The following CRPPA variants were observed in gnomAD, a reference collection of about 807,000 sequenced individuals.
CRPPA encodes D-ribitol-5-phosphate cytidylyltransferase.
A neutral mutation model predicts 52.0 loss-of-function variants in CRPPA; 43 were observed. The ratio of observed to expected loss-of-function variants is 0.83; its 90% CI spans 0.65 to 1.07. The LOEUF (loss-of-function observed/expected upper bound fraction) is 1.07. Ranked by LOEUF, CRPPA falls within the 50% of genes least tolerant of loss-of-function variation. The pLI, the probability that CRPPA is intolerant of heterozygous loss-of-function variation, is 0.00. For synonymous variants in CRPPA, 250 were observed against 203.5 expected (o/e 1.23, Z -1.94); for missense variants, 629 against 551.7 (o/e 1.14, Z -1.40).
intron 2 of CRPPA, among the ~76,000 whole-genome samples, chr7:16,376,581 A>T (rs926268052): frequency 5.9e-5 from 9 of 152,186 alleles, no homozygotes; most frequent in Non-Finnish European, 1.3e-4. Context: ...GACTATCATG[A>T]AATAATTGAT....
intron 8 of CRPPA, among the ~76,000 whole-genome samples, chr7:16,226,296 G>T (rs1782650547): frequency 6.6e-6 from 1 of 151,862 alleles, no homozygotes; most frequent in Admixed American, 6.6e-5. Context: ...AATGTAAAAA[G>T]AATGACCATA....
At chr7:16,137,951 G>A (rs1370920571) in intron 9 of CRPPA, among the ~76,000 whole-genome samples, 1 of 151,966 alleles carries the variant, frequency 6.6e-6, no homozygotes, top group Non-Finnish European at 1.5e-5. Flanking sequence ...AACTAGTAAT[G>A]CTTCATTAAA....
At chr7:16,396,045 G>A (rs893064985) in intron 2 of CRPPA, among the ~76,000 whole-genome samples, 10 of 152,072 alleles carry the variant, frequency 6.6e-5, no homozygotes, top group African/African-American at 9.7e-5. Context: ...GTTTCCTTAC[G>A]AACCAGAACT....
intron 9 of CRPPA, among the ~76,000 whole-genome samples, chr7:16,134,010 T>C (rs1427362973): frequency 1.6e-5 from 2 of 123,978 alleles, no homozygotes; most frequent in Non-Finnish European, 3.7e-5. Flanking sequence ...CGGCTCACTG[T>C]AAGCTCCGCT....
rs78868472 is a variant in CRPPA, at chr7:16,146,066, A to T, written c.1252-54267T>A. On this transcript the variant is annotated intron_variant, in intron 9 of 9. Transcript: ENST00000407010. ...AAGACAATGAGAGAATTTTGAAAGC[A>T]GCAAGAGAAAAGTGAGTAGTTAAAT... Among the ~76,000 whole-genome samples the T allele has an allele frequency of 2.8e-3, 429 of 152,330 alleles. 2 individuals are homozygous for T. Among genetic ancestry groups the T allele is most frequent in the African/African-American group, 9.2e-3 (384 of 41,588 alleles).
intron 2 of CRPPA, among the ~76,000 whole-genome samples, chr7:16,386,260 C>A (rs887503193): frequency 6.6e-6 from 1 of 152,180 alleles, no homozygotes; most frequent in South Asian, 2.1e-4. Flanking sequence ...CGTTCAGATG[C>A]TCTTTTTCTT....
At chr7:16,144,816 T>G (rs111293976) in intron 9 of CRPPA, among the ~76,000 whole-genome samples, 107 of 152,298 alleles carry the variant, frequency 7.0e-4, no homozygotes, top group African/African-American at 2.6e-3. Context: ...CCGTCAACAG[T>G]GCAGAGCTAA....
intron 9 of CRPPA, among the ~76,000 whole-genome samples, chr7:16,167,579 G>C (rs1287351744): frequency 6.6e-6 from 1 of 152,106 alleles, no homozygotes; most frequent in Non-Finnish European, 1.5e-5. Context: ...GTGTAGTACA[G>C]TATAAAAGAA....
chr7:16,318,260 T>C (rs1785189393), intron 3 of CRPPA, among the ~76,000 whole-genome samples: 1 of 152,176 alleles, frequency 6.6e-6, no homozygotes, highest in East Asian at 1.9e-4. Flanking sequence ...TGTCCATCCA[T>C]TAGATCTTCT....
chr7:16,148,022 A>G (rs1562526414), intron 9 of CRPPA, among the ~76,000 whole-genome samples: 1 of 152,186 alleles, frequency 6.6e-6, no homozygotes, highest in Non-Finnish European at 1.5e-5. Context: ...TATAATAATC[A>G]GTCTCTTCCA....
intron 6 of CRPPA, among the ~76,000 whole-genome samples, chr7:16,267,523 T>C (rs1379588868): frequency 6.6e-6 from 1 of 152,198 alleles, no homozygotes; most frequent in Admixed American, 6.5e-5. Flanking sequence ...TGAGTAGATA[T>C]TTACTGAGGA....
At chr7:16,133,239 C>T (rs901424480) in intron 9 of CRPPA, among the ~76,000 whole-genome samples, 3 of 122,196 alleles carry the variant, frequency 2.5e-5, no homozygotes, top group Non-Finnish European at 5.6e-5. Flanking sequence ...ATTGCTTGAA[C>T]CCAGGAGGTG....
At chr7:16,321,918 C>T (rs755050893) in intron 3 of CRPPA, among the ~76,000 whole-genome samples, 1 of 152,026 alleles carries the variant, frequency 6.6e-6, no homozygotes, top group Non-Finnish European at 1.5e-5. Context: ...AAAAACCATA[C>T]AAGCAAATGA....
intron 6 of CRPPA, among the ~76,000 whole-genome samples, chr7:16,266,806 T>C (rs553149837): frequency 1.6e-4 from 24 of 152,300 alleles, no homozygotes; most frequent in South Asian, 6.2e-4. Context: ...CAAAGTTGGA[T>C]AGTATCAACA....
Position 16,090,395 on chromosome 7 carries a change from T to A in CRPPA, c.*1300A>T, listed in dbSNP as rs1005985436. ...TTTCCACGTGCAGCCTAAGCCCTAATCTGTTTCAATAAAATAAATGTATGT... is the reference window on the plus strand; with the variant it reads ...TTTCCACGTGCAGCCTAAGCCCTAAACTGTTTCAATAAAATAAATGTATGT... On this transcript the variant is annotated 3_prime_UTR_variant, in exon 10 of 10. Transcript: ENST00000407010. The A allele has an allele frequency of 2.6e-5, 4 of 151,862 alleles. No homozygotes were observed. Among genetic ancestry groups the A allele is most frequent in the African/African-American group, 9.7e-5 (4 of 41,328 alleles). 9.4% of individuals were successfully genotyped at this position (151,862 alleles called of 1,614,324 possible).
At chr7:16,303,749 C>T (rs903498096) in intron 4 of CRPPA, among the ~76,000 whole-genome samples, 2 of 152,016 alleles carry the variant, frequency 1.3e-5, no homozygotes, top group Admixed American at 1.3e-4. Context: ...GAAACAATGT[C>T]ACCATATTGT....
chr7:16,331,124 C>T (rs999803322), intron 3 of CRPPA, among the ~76,000 whole-genome samples: 10 of 152,236 alleles, frequency 6.6e-5, no homozygotes, highest in South Asian at 2.1e-4. Context: ...CTCAGCCTCC[C>T]GAGTAGGTGG....
At chr7:16,281,438 G>C (rs533926900) in intron 5 of CRPPA, among the ~76,000 whole-genome samples, 56 of 151,880 alleles carry the variant, frequency 3.7e-4, no homozygotes, top group African/African-American at 1.3e-3. Context: ...TTAACTTCTT[G>C]GTATATACAA....
chr7:16,217,421 A>G (rs1314643564), intron 8 of CRPPA, among the ~76,000 whole-genome samples: 2 of 149,074 alleles, frequency 1.3e-5, no homozygotes, highest in East Asian at 4.0e-4. Context: ...CTCACCAGCA[A>G]CGGAACAAAG....
Sources: allele counts gnomAD v4.1 joint callset (sites outside exome capture counted in the v4.1 genomes callset), GRCh38; gene constraint gnomAD v4.1.1; transcripts MANE v1.5; gene names NCBI Gene and HGNC (gene_info 2026-07-23, HGNC 2026-07-21).